IPO9: variants seen among roughly 807,000 people sequenced by gnomAD.
The protein encoded by IPO9 is importin-9.
Under a neutral mutation model 128.6 loss-of-function variants are expected in IPO9, and 28 were observed. The ratio of observed to expected loss-of-function variants is 0.22; its 90% confidence interval spans 0.16 to 0.30. The LOEUF (loss-of-function observed/expected upper bound fraction) is 0.30. Ranked by LOEUF, IPO9 falls within the 10% of genes least tolerant of loss-of-function variation. The pLI, the probability that IPO9 is intolerant of heterozygous loss-of-function variation, is 1.00. For synonymous variants in IPO9, 455 were observed against 475.8 expected (o/e 0.96, Z 0.57); for missense variants, 935 against 1,293.9 (o/e 0.72, Z 4.26).
At position 201,870,163 on chromosome 1, in the gene IPO9, A is replaced by G. The variant is rs1234279583; in HGVS notation, c.2134-420A>G. Among the ~76,000 whole-genome samples the G allele has an allele frequency of 6.6e-6, 1 of 152,184 alleles. No homozygotes were observed. Among genetic ancestry groups the G allele is most frequent in the Non-Finnish European group, 1.5e-5 (1 of 68,044 alleles). On this transcript the variant is annotated intron_variant, in intron 17 of 23. Coordinates refer to ENST00000361565, the MANE Select transcript of IPO9 (RefSeq NM_018085.5). The surrounding 1 kb of genome is among the most constrained non-coding windows in gnomAD (Gnocchi z 4.9). ...GTGATTGATTAGAAAGGTTATAGGA[A>G]CTTGCCAGTGAATATTGATCAGCTT...
intron 20 of IPO9, among the ~76,000 whole-genome samples, chr1:201,873,683 G>T (rs936857343): frequency 6.6e-6 from 1 of 152,088 alleles, no homozygotes; most frequent in Non-Finnish European, 1.5e-5. Context: ...GGAGGTGGAG[G>T]TTGCAGTGAG....
chr1:201,872,775 A>G, intron 19 of IPO9, 53 bp from the exon 20 acceptor site: 1 of 1,572,288 alleles, frequency 6.4e-7, no homozygotes. Context: ...ATCTCCTTGG[A>G]GTGAACTCGA....
chr1:201,871,786 C>T (rs934017285), intron 19 of IPO9, among the ~76,000 whole-genome samples: 3 of 152,058 alleles, frequency 2.0e-5, no homozygotes, highest in Non-Finnish European at 4.4e-5. Context: ...TTCTTTATTG[C>T]TAACGCACAT....
At chr1:201,833,383 C>A (rs775339685) in intron 1 of IPO9, among the ~76,000 whole-genome samples, 3 of 151,932 alleles carry the variant, frequency 2.0e-5, no homozygotes, top group Non-Finnish European at 4.4e-5. Context: ...GGATTACAGG[C>A]GCGTACCAAC....
In IPO9 at chr1:201,847,679, G is replaced by A. The variant is rs758914213; in HGVS notation, c.312+41G>A. On this transcript the variant is annotated intron_variant, in intron 3 of 23. Coordinates refer to ENST00000361565, the MANE Select transcript of IPO9 (RefSeq NM_018085.5). ...GATTAGTCTACCTGAGGAGATTTGAGGGTCCATTTTAAGAGATTAGACTAT... is the reference window on the plus strand; with the variant it reads ...GATTAGTCTACCTGAGGAGATTTGAAGGTCCATTTTAAGAGATTAGACTAT... 3 of 1,378,546 alleles carry A rather than the reference G, an allele frequency of 2.2e-6. No homozygotes were observed. In the Admixed American group the frequency reaches 5.1e-5, roughly 23 times the overall value. The allele number at this position is 1,378,546 out of a possible 1,614,324, so 85.4% of individuals were successfully genotyped here. A position where few individuals can be genotyped will look rare whatever the true frequency, so the allele number is the denominator to read the frequency against.
In IPO9 at chr1:201,874,803, A is replaced by C. The variant is rs111596385; in HGVS notation, c.2834-29A>C. ...GAGGGAAAATGCATGAATGTGCTCT[A>C]GCTCTAGCTGCTTTTCATCTCCAAG... On this transcript the variant is annotated intron_variant, in intron 21 of 23. Transcript: ENST00000361565. 3.4e-6 allele frequency: 5 copies of C among 1,463,626 alleles called. No homozygotes were observed. The African/African-American group carries it at 5.5e-5, about 16-fold the overall frequency. The allele number at this position is 1,463,626 out of a possible 1,614,324, so 90.7% of individuals were successfully genotyped here. A position where few individuals can be genotyped will look rare whatever the true frequency, so the allele number is the denominator to read the frequency against.
At chr1:201,833,978 G>A (rs1220772407) in intron 1 of IPO9, among the ~76,000 whole-genome samples, 1 of 151,632 alleles carries the variant, frequency 6.6e-6, no homozygotes, top group African/African-American at 2.4e-5. Context: ...CTGGAGATGG[G>A]GTCTTGCTGT....
Position 201,881,054 on chromosome 1 carries a change from A to C in IPO9, c.*5000A>C, listed in dbSNP as rs958080103. 6.6e-6 allele frequency: 1 copy of C among 152,216 alleles called. No individual in the cohort carries two copies. Among genetic ancestry groups the C allele is most frequent in the South Asian group, 2.1e-4 (1 of 4,836 alleles). 9.4% of individuals were successfully genotyped at this position (152,216 alleles called of 1,614,324 possible). A position where few individuals can be genotyped will look rare whatever the true frequency, so the allele number is the denominator to read the frequency against. On this transcript the variant is annotated 3_prime_UTR_variant, in exon 24 of 24. Transcript: ENST00000361565. ...CCATTATAAGCTGAAAAGCATCTGT[A>C]GTATAATAAATGTGGGGAGTGCTGT...
chr1:201,849,038 A>G (rs535634752), intron 4 of IPO9, among the ~76,000 whole-genome samples: 9 of 152,332 alleles, frequency 5.9e-5, no homozygotes, highest in East Asian at 1.9e-4. Context: ...TATCATTATT[A>G]CTATATATTA....
In IPO9 at chr1:201,829,313, C is replaced by T. The variant is rs1174081017; in HGVS notation, c.104C>T (p.Pro35Leu). The change falls in exon 1 of 24, where the codon CCA (proline) becomes CTA (leucine). Residue 35 changes from proline to leucine, a missense_variant. Physicochemically the swap from Pro to Leu is moderately conservative, Grantham distance 98 (BLOSUM62 -3). Coordinates refer to ENST00000361565, the MANE Select transcript of IPO9 (RefSeq NM_018085.5). ...GATACGCTCACCGGGATCCTATCCC[C>T]AGTACAGGAGGTGCGGGCGGCTGCT... ...LVDTLTGILS[P>L]VQEVRAAAEE... The T allele has an allele frequency of 1.3e-6, 2 of 1,596,542 alleles. No individual in the cohort carries two copies. Among genetic ancestry groups the T allele is most frequent in the Admixed American group, 1.7e-5 (1 of 57,372 alleles).
At chr1:201,862,124 A>G (rs1680460671) in intron 13 of IPO9, among the ~76,000 whole-genome samples, 1 of 152,212 alleles carries the variant, frequency 6.6e-6, no homozygotes, top group Non-Finnish European at 1.5e-5. Flanking sequence ...CAGATTTTAA[A>G]TAGAAGAATG....
At position 201,855,766 on chromosome 1, in the gene IPO9, T is replaced by C. The variant is rs1175452479; in HGVS notation, c.971-17T>C. 1 of 1,603,554 alleles carries C rather than the reference T, an allele frequency of 6.2e-7. No homozygotes were observed. The highest frequency in any genetic ancestry group is 1.8e-5 in the Admixed American group (1 of 56,790). ...GCTTTCTTGTCATTAATTTCTTCTC[T>C]TCTGTATTTCCTGCAGGTGAAGTCC... On this transcript the variant is annotated splice_polypyrimidine_tract_variant and intron_variant, in intron 9 of 23. Transcript: ENST00000361565.
chr1:201,851,742 C>T (rs1026662284), intron 4 of IPO9, among the ~76,000 whole-genome samples: 3 of 152,118 alleles, frequency 2.0e-5, no homozygotes, highest in Non-Finnish European at 2.9e-5. Flanking sequence ...TAAGAAACCT[C>T]GAAGTGTAAC....
Position 201,846,214 on chromosome 1 carries a change from G to A in IPO9, c.164-1065G>A, listed in dbSNP as rs1680121395. On this transcript the variant is annotated intron_variant, in intron 1 of 23. Transcript: ENST00000361565. ...TGCAGTTCAAGTTCCATTGCTTATT[G>A]GAAACTACTCATTTGTAGGACTAAG... 3.3e-5 allele frequency among the ~76,000 whole-genome samples: 5 copies of A among 152,260 alleles called. No individual in the cohort carries two copies. The South Asian group carries it at 1.0e-3, about 32-fold the overall frequency.
At position 201,870,999 on chromosome 1, in the gene IPO9, T is replaced by G; in HGVS notation, c.2409+141T>G. ...GTAAAATGGGACCTGTCTGATCTGT[T>G]TGGCCTAAGAAACATGGACAAGGAA... On this transcript the variant is annotated intron_variant, in intron 18 of 23. Coordinates refer to ENST00000361565, the MANE Select transcript of IPO9 (RefSeq NM_018085.5). The surrounding 1 kb of genome is among the most constrained non-coding windows in gnomAD (Gnocchi z 4.9). 1 of 1,304,274 alleles carries G rather than the reference T, an allele frequency of 7.7e-7. No homozygotes were observed. Among genetic ancestry groups the G allele is most frequent in the South Asian group, 1.4e-5 (1 of 69,436 alleles). The allele number at this position is 1,304,274 out of a possible 1,614,324, so 80.8% of individuals were successfully genotyped here.
intron 1 of IPO9, among the ~76,000 whole-genome samples, chr1:201,845,648 AT>A (rs1238156001): frequency 1.3e-5 from 2 of 152,246 alleles, no homozygotes; most frequent in Admixed American, 1.3e-4. Context: ...CTCTATATTC[AT>A]TTAACCTGAT....
chr1:201,882,433 A>G lies in IPO9; in HGVS notation c.*6379A>G, dbSNP rs1355496902. On this transcript the variant is annotated 3_prime_UTR_variant, in exon 24 of 24. Coordinates refer to ENST00000361565, the MANE Select transcript of IPO9 (RefSeq NM_018085.5). ...GGCGACAGAGCGACACTCTGCCTCA[A>G]AAAAAAAAAAAAACAAAAAAAAAAA... The G allele has an allele frequency of 8.8e-6, 1 of 114,022 alleles. No homozygotes were observed. Among genetic ancestry groups the G allele is most frequent in the East Asian group, 4.2e-4 (1 of 2,370 alleles). 7.1% of individuals were successfully genotyped at this position (114,022 alleles called of 1,614,324 possible). A position where few individuals can be genotyped will look rare whatever the true frequency, so the allele number is the denominator to read the frequency against.
In IPO9 at chr1:201,881,441, G is replaced by A. The variant is rs1680882373; in HGVS notation, c.*5387G>A. ...TTTTGCCTTTCCTGTGCATTTGCCA[G>A]GCAGATGAGAGTGGGGTAAGACATT... On this transcript the variant is annotated 3_prime_UTR_variant, in exon 24 of 24. Transcript: ENST00000361565. The A allele has an allele frequency of 6.6e-6, 1 of 152,192 alleles. No homozygotes were observed. The highest frequency in any genetic ancestry group is 2.4e-5 in the African/African-American group (1 of 41,440). 9.4% of individuals were successfully genotyped at this position (152,192 alleles called of 1,614,324 possible).
At chr1:201,869,499 CTATGTAATACCCATCCAGTAA>C in intron 16 of IPO9, 70 bp from the exon 17 acceptor site, 3 of 1,448,172 alleles carry the variant, frequency 2.1e-6, no homozygotes, top group Middle Eastern at 1.8e-4. Context: ...CTCTGGGTTG[CTATGTAATACCCATCCAGTAA>C]GGATCTTGGT....
Sources: allele counts gnomAD v4.1 joint callset (sites outside exome capture counted in the v4.1 genomes callset), GRCh38; gene constraint gnomAD v4.1.1; non-coding constraint Gnocchi (gnomAD v3.1); transcripts MANE v1.5; gene names NCBI Gene and HGNC (gene_info 2026-07-23, HGNC 2026-07-21).